Variants in ERICH6B observed in about 807,000 individuals in gnomAD.
The protein encoded by ERICH6B is glutamate rich 6B.
In ERICH6B, 69 loss-of-function variants were observed where a neutral mutation model predicts 80.0. The ratio of observed to expected loss-of-function variants is 0.86; its 90% CI spans 0.71 to 1.05. ERICH6B has a LOEUF of 1.05. Among genes scored for constraint, ERICH6B ranks in the 50% least tolerant of loss-of-function variants. The pLI is 0.00. For synonymous variants in ERICH6B, 283 were observed against 291.9 expected (o/e 0.97, Z 0.31); for missense variants, 754 against 796.1 (o/e 0.95, Z 0.64).
chr13:45,566,082 C>T (rs149640560), intron 9 of ERICH6B, among the ~76,000 whole-genome samples: 1 of 152,178 alleles, frequency 6.6e-6, no homozygotes, highest in African/African-American at 2.4e-5. Flanking sequence ...AAGAGACTGG[C>T]AGCATTTTTG....
chr13:45,610,137 T>C (rs1331985804), intron 1 of ERICH6B, among the ~76,000 whole-genome samples: 1 of 152,118 alleles, frequency 6.6e-6, no homozygotes, highest in East Asian at 1.9e-4. Context: ...TCACAAGATA[T>C]GCAACTTCAA....
chr13:45,590,358 C>A (rs1286178644), intron 4 of ERICH6B, among the ~76,000 whole-genome samples: 1 of 152,034 alleles, frequency 6.6e-6, no homozygotes, highest in Non-Finnish European at 1.5e-5. Context: ...TGCTTGCGAG[C>A]CCTTTGCAGT....
intron 11 of ERICH6B, chr13:45,552,983 A>C: frequency 5.6e-6 from 1 of 179,442 alleles, no homozygotes; most frequent in South Asian, 1.1e-4. Context: ...TTCCGTAAGC[A>C]ATGTTCTGAG....
chr13:45,587,256 G>A, intron 4 of ERICH6B, 24 bp from the exon 5 acceptor site: 2 of 1,550,270 alleles, frequency 1.3e-6, no homozygotes, highest in East Asian at 2.4e-5. Flanking sequence ...GAACAGGAAG[G>A]TCAACTTCCA....
At chr13:45,586,317 G>A (rs77538019) in intron 5 of ERICH6B, among the ~76,000 whole-genome samples, 1 of 152,056 alleles carries the variant, frequency 6.6e-6, no homozygotes, top group Non-Finnish European at 1.5e-5. Context: ...GAGGTGACGG[G>A]GGAATCTAAT....
At chr13:45,545,823 A>G (rs1593770714) in intron 13 of ERICH6B, among the ~76,000 whole-genome samples, 1 of 152,112 alleles carries the variant, frequency 6.6e-6, no homozygotes, top group African/African-American at 2.4e-5. Context: ...GCCTTGTTCA[A>G]TCTCAGCCAG....
chr13:45,556,445 G>T (rs973426862), intron 11 of ERICH6B, among the ~76,000 whole-genome samples: 4 of 152,000 alleles, frequency 2.6e-5, no homozygotes, highest in African/African-American at 7.2e-5. Flanking sequence ...GTGGTATTTG[G>T]TTACACAAGT....
Position 45,550,346 on chromosome 13 carries a change from T to C in ERICH6B, c.1408-30A>G, listed in dbSNP as rs751747966. 9.1e-6 allele frequency: 14 copies of C among 1,532,030 alleles called. No homozygotes were observed. In the South Asian group the frequency reaches 1.4e-4, roughly 16 times the overall value. The allele number at this position is 1,532,030 out of a possible 1,614,324, so 94.9% of individuals were successfully genotyped here. ...GAAGAAAAGACAAGCCTATGAAAAGTGTGAAAAGTACATGGGTACCAACTG... is the reference window on the plus strand; with the variant it reads ...GAAGAAAAGACAAGCCTATGAAAAGCGTGAAAAGTACATGGGTACCAACTG... On this transcript the variant is annotated intron_variant, in intron 11 of 14. Transcript: ENST00000298738.
At chr13:45,552,696 G>A (rs887858770) in intron 11 of ERICH6B, among the ~76,000 whole-genome samples, 1 of 151,848 alleles carries the variant, frequency 6.6e-6, no homozygotes, top group Non-Finnish European at 1.5e-5. Context: ...TGAACAATAA[G>A]GCCTTCTATT....
chr13:45,543,878 C>G (rs904408386), intron 14 of ERICH6B, among the ~76,000 whole-genome samples: 1 of 152,166 alleles, frequency 6.6e-6, no homozygotes, highest in Non-Finnish European at 1.5e-5. Context: ...CCTGGGGACA[C>G]AGACTCCCCC....
At chr13:45,580,480 C>A in intron 6 of ERICH6B, 123 bp downstream of exon 6, 1 of 968,774 alleles carries the variant, frequency 1.0e-6, no homozygotes, top group South Asian at 1.5e-5. Flanking sequence ...TAAGCCTGCT[C>A]TGTTCTAAAA....
At chr13:45,574,212 A>G (rs1449198502) in intron 8 of ERICH6B, among the ~76,000 whole-genome samples, 4 of 152,228 alleles carry the variant, frequency 2.6e-5, no homozygotes, top group Non-Finnish European at 5.9e-5. Context: ...GCAATCGAGA[A>G]CACAATGAAT....
In ERICH6B at chr13:45,543,810, G is replaced by C. The variant is rs558752276; in HGVS notation, c.1872+950C>G. ...GGGAGTGTGCCTTGAACTTCCAGGG[G>C]ATCATCTGTCTAGAGAAGAGTTTGT... On this transcript the variant is annotated intron_variant, in intron 14 of 14. Transcript: ENST00000298738. Among the ~76,000 whole-genome samples the C allele has an allele frequency of 2.6e-5, 4 of 152,272 alleles. No homozygotes were observed. The South Asian group carries it at 6.2e-4, about 24-fold the overall frequency.
chr13:45,591,561 A>G (rs982705582), intron 3 of ERICH6B, among the ~76,000 whole-genome samples: 1 of 152,210 alleles, frequency 6.6e-6, no homozygotes, highest in Non-Finnish European at 1.5e-5. Context: ...GCACCACTGC[A>G]CTCCAGCCTG....
At chr13:45,600,081 T>G (rs141299274) in intron 2 of ERICH6B, among the ~76,000 whole-genome samples, 5 of 152,282 alleles carry the variant, frequency 3.3e-5, no homozygotes, top group South Asian at 4.2e-4. Flanking sequence ...ACGGAAAGCT[T>G]TGGGACCCAA....
At chr13:45,575,772 G>T (rs1875375422) in intron 7 of ERICH6B, among the ~76,000 whole-genome samples, 1 of 152,190 alleles carries the variant, frequency 6.6e-6, no homozygotes, top group African/African-American at 2.4e-5. Flanking sequence ...GGGGCCAGGA[G>T]AGTGGCTTAG....
intron 2 of ERICH6B, among the ~76,000 whole-genome samples, chr13:45,607,200 G>C (rs904652949): frequency 2.6e-5 from 4 of 152,134 alleles, no homozygotes; most frequent in African/African-American, 9.7e-5. Flanking sequence ...TGGAAGGTCA[G>C]GTTTTGTGGA....
chr13:45,611,756 C>G (rs1949901225), intron 1 of ERICH6B, among the ~76,000 whole-genome samples: 1 of 152,190 alleles, frequency 6.6e-6, no homozygotes, highest in South Asian at 2.1e-4. Flanking sequence ...GTGAGACTGA[C>G]TATTGGGCAG....
intron 2 of ERICH6B, among the ~76,000 whole-genome samples, chr13:45,597,761 A>T (rs1876463327): frequency 6.6e-6 from 1 of 152,152 alleles, no homozygotes; most frequent in South Asian, 2.1e-4. Flanking sequence ...ATTTTGCTAT[A>T]TTAAATTGTT....
Sources: gnomAD v4.1 joint callset for allele counts (sites outside exome capture counted in the v4.1 genomes callset) on GRCh38, gnomAD v4.1.1 for gene constraint, MANE v1.5 for transcripts, NCBI Gene and HGNC (gene_info 2026-07-23, HGNC 2026-07-21) for gene names.